The following MIGA2 variants were observed in gnomAD, a reference collection of about 807,000 sequenced individuals.
The protein encoded by MIGA2 is mitoguardin 2.
A neutral mutation model predicts 69.9 loss-of-function variants in MIGA2; 36 were observed. The ratio of observed to expected loss-of-function variants is 0.52; its 90% CI spans 0.39 to 0.68. The LOEUF is 0.68. Ranked by LOEUF, MIGA2 falls within the 30% of genes least tolerant of loss-of-function variation. The pLI, the probability that MIGA2 is intolerant of heterozygous loss-of-function variation, is 0.00. For synonymous variants in MIGA2, 333 were observed against 349.2 expected, an observed-to-expected ratio of 0.95 and a Z score of 0.52; for missense variants, 660 against 787.7, an observed-to-expected ratio of 0.84 and a Z score of 1.94.
Position 129,049,848 on chromosome 9 carries a change from C to T in MIGA2, c.560C>T (p.Ala187Val), listed in dbSNP as rs1410609515. 6.2e-7 allele frequency: 1 copy of T among 1,614,088 alleles called. No homozygotes were observed. Among genetic ancestry groups the T allele is most frequent in the Non-Finnish European group, 8.5e-7 (1 of 1,180,038 alleles). Residue 187 changes from alanine (A) to valine (V), a missense_variant, in exon 6 of 16, where the codon GCT becomes GTT. Ala to Val is a moderately conservative substitution (Grantham distance 64, BLOSUM62 0). Coordinates refer to ENST00000684074, the MANE Select transcript of MIGA2 (RefSeq NM_001329990.2). Reference protein sequence around the residue: ...YMQGMELFEEALQKWEQALSV... With the variant: ...YMQGMELFEEVLQKWEQALSV... ...TCAGGCATGGAGCTGTTTGAGGAAGCTCTGCAGAAGTGGGAGCAGGCACTA... is the reference window on the plus strand; with the variant it reads ...TCAGGCATGGAGCTGTTTGAGGAAGTTCTGCAGAAGTGGGAGCAGGCACTA...
chr9:129,043,455 C>T (rs1845033569), intron 3 of MIGA2, among the ~76,000 whole-genome samples: 2 of 148,044 alleles, frequency 1.4e-5, no homozygotes, highest in Non-Finnish European at 3.0e-5. Context: ...GGCACAATCT[C>T]GGTTCATTGC....
intron 1 of MIGA2, among the ~76,000 whole-genome samples, chr9:129,038,244 C>T (rs555542200): frequency 3.3e-5 from 5 of 152,296 alleles, no homozygotes; most frequent in East Asian, 3.9e-4. Context: ...CACACACCCC[C>T]ACCAGCCCTA....
intron 3 of MIGA2, among the ~76,000 whole-genome samples, chr9:129,045,441 CAAAAAAAAA>C (rs766649271): frequency 5.0e-5 from 1 of 20,050 alleles, no homozygotes. Context: ...GACTCTGTCT[CAAAAAAAAA>C]AAAAAAAAAA....
chr9:129,050,573 G>GTT (rs1299209059), intron 6 of MIGA2, among the ~76,000 whole-genome samples: 13 of 114,784 alleles, frequency 1.1e-4, no homozygotes, highest in East Asian at 8.0e-4. Context: ...GTACCCAGCT[G>GTT]TTTTTTTTTT....
Position 129,067,854 on chromosome 9 carries a change from G to C in MIGA2, c.1252G>C (p.Glu418Gln). ...RPETWATTRL[E>Q]LEGRGVVCMS... ...CGAGACCTGGGCCACAACACGGCTG[G>C]AGCTGGAGGGCCGAGGGGTGAGTTG... is the stretch of plus-strand genomic sequence containing the variant. Residue 418 changes from glutamate to glutamine, a missense_variant, in exon 12 of 16, where the codon GAG becomes CAG. Physicochemically the swap from Glu to Gln is conservative, Grantham distance 29 (BLOSUM62 2). Coordinates refer to ENST00000684074, the MANE Select transcript of MIGA2 (RefSeq NM_001329990.2). 1 of 1,612,464 alleles carries C rather than the reference G, an allele frequency of 6.2e-7. No individual in the cohort carries two copies.
chr9:129,065,400 C>T (rs1846290675), intron 11 of MIGA2, among the ~76,000 whole-genome samples: 1 of 151,346 alleles, frequency 6.6e-6, no homozygotes, highest in Non-Finnish European at 1.5e-5. Flanking sequence ...GGCTGGAGTA[C>T]AGTGGTGCGA....
intron 6 of MIGA2, 67 bp downstream of exon 6, chr9:129,050,030 A>G: frequency 1.3e-6 from 2 of 1,548,054 alleles, no homozygotes; most frequent in Non-Finnish European, 1.7e-6. Context: ...AGGGGCGGCC[A>G]CACCTTGGGA....
intron 15 of MIGA2, 120 bp from the exon 16 acceptor site, chr9:129,070,127 C>G: frequency 7.7e-7 from 1 of 1,305,294 alleles, no homozygotes; most frequent in Non-Finnish European, 1.1e-6. Context: ...GAGGGAGGAG[C>G]CTGGGGATGG....
intron 3 of MIGA2, among the ~76,000 whole-genome samples, chr9:129,043,384 C>CTTTTT (rs60096838): frequency 1.6e-5 from 2 of 128,350 alleles, no homozygotes; most frequent in South Asian, 2.5e-4. Flanking sequence ...TCTGTTCTCT[C>CTTTTT]TTTTTTTTTT....
rs532299833 is a variant in MIGA2 at position 129,067,591 on chromosome 9, T to G, written c.1171-182T>G. On this transcript the variant is annotated intron_variant, in intron 11 of 15. Transcript: ENST00000684074. ...GGAGCTGGCTTGAGACCTGACTGGG[T>G]GCCCTGGTTCTCTGGAGAAGCCTGC... The G allele has an allele frequency of 1.0e-4, 62 of 596,068 alleles. No individual in the cohort carries two copies. The African/African-American group carries it at 1.1e-3, about 10-fold the overall frequency. 36.9% of individuals were successfully genotyped at this position (596,068 alleles called of 1,614,324 possible).
At chr9:129,047,826 C>T (rs1482655234) in intron 3 of MIGA2, among the ~76,000 whole-genome samples, 1 of 151,944 alleles carries the variant, frequency 6.6e-6, no homozygotes, top group Non-Finnish European at 1.5e-5. Flanking sequence ...ACCTCCCAGG[C>T]TCAATTGATC....
chr9:129,069,838 G>A lies in MIGA2; in HGVS notation c.1459-11G>A. ...GCCCCGCCTGGCCCCTCAGCCTTGT[G>A]CCCACCGCAGGTGCCTGATGGCTTC... On this transcript the variant is annotated splice_polypyrimidine_tract_variant and intron_variant, in intron 14 of 15. Coordinates refer to ENST00000684074, the MANE Select transcript of MIGA2 (RefSeq NM_001329990.2). This position sits in a 1 kb window ranked among gnomAD's most constrained non-coding sequence, Gnocchi z 4.9. The A allele has an allele frequency of 6.2e-7, 1 of 1,603,710 alleles. No individual in the cohort carries two copies. The highest frequency in any genetic ancestry group is 1.1e-5 in the South Asian group (1 of 90,908).
chr9:129,039,728 TTTTG>T (rs36142631), intron 1 of MIGA2: 145,730 of 157,820 alleles, frequency 0.92, 67,343 homozygotes, highest in East Asian at 0.99. Context: ...CCAGCTAGTT[TTTTG>T]TTTGTTTGTT....
chr9:129,056,891 G>A (rs368845975), intron 6 of MIGA2, among the ~76,000 whole-genome samples: 29 of 152,024 alleles, frequency 1.9e-4, no homozygotes, highest in Non-Finnish European at 2.6e-4. Context: ...AAAATTAGCC[G>A]GGTGTGGCGG....
At chr9:129,053,300 G>T (rs1845639619) in intron 6 of MIGA2, among the ~76,000 whole-genome samples, 2 of 152,096 alleles carry the variant, frequency 1.3e-5, no homozygotes, top group Non-Finnish European at 2.9e-5. Flanking sequence ...AGGGGTGCCT[G>T]CAGCCCTTCA....
rs866946967 is a variant in MIGA2 at position 129,049,323 on chromosome 9, G to C, written c.421-58G>C. On this transcript the variant is annotated intron_variant, in intron 4 of 15. Transcript: ENST00000684074. ...AGGCAGTGGAGGAGGGCTCAGGGGG[G>C]CCCTGCAGAGAGCCCGGGAAAGCTT... The C allele has an allele frequency of 1.2e-5, 18 of 1,538,686 alleles. No homozygotes were observed. The South Asian group carries it at 1.4e-4, about 12-fold the overall frequency.
At chr9:129,064,506 C>CTTT (rs71383628) in intron 11 of MIGA2, among the ~76,000 whole-genome samples, 1 of 140,706 alleles carries the variant, frequency 7.1e-6, no homozygotes, top group Non-Finnish European at 1.6e-5. Context: ...CGTGCCTGGC[C>CTTT]TTTTTTTTTT....
intron 11 of MIGA2, among the ~76,000 whole-genome samples, chr9:129,065,054 A>T (rs2131389473): frequency 6.6e-6 from 1 of 151,706 alleles, no homozygotes; most frequent in Admixed American, 6.6e-5. Context: ...AAGTGCTGGG[A>T]TTATAGATGT....
intron 1 of MIGA2, among the ~76,000 whole-genome samples, chr9:129,038,789 CT>C (rs869238538): frequency 0.076 from 6,826 of 89,314 alleles, 88 homozygotes; most frequent in African/African-American, 0.18. Flanking sequence ...TTTTGTTTGT[CT>C]TTTTTTTTTT....
Sources: allele counts gnomAD v4.1 joint callset (sites outside exome capture counted in the v4.1 genomes callset), GRCh38; gene constraint gnomAD v4.1.1; non-coding constraint Gnocchi (gnomAD v3.1); transcripts MANE v1.5; gene names NCBI Gene and HGNC (gene_info 2026-07-23, HGNC 2026-07-21).